IPPK: variants seen among roughly 807,000 people sequenced by gnomAD.
IPPK encodes IPK1 homolog.
Under a neutral mutation model 64.6 loss-of-function variants are expected in IPPK, and 22 were observed. The observed-to-expected ratio is 0.34, with a 90% confidence interval of 0.24 to 0.49. IPPK has a LOEUF of 0.49. IPPK is among the 20% of genes least tolerant of loss of function. IPPK has a pLI of 0.99. For synonymous variants in IPPK, 262 were observed against 247.2 expected (o/e 1.06, Z -0.56); for missense variants, 532 against 630.7 (o/e 0.84, Z 1.68).
intron 11 of IPPK, among the ~76,000 whole-genome samples, chr9:92,622,206 G>GA (rs1316286460): frequency 8.4e-4 from 126 of 150,444 alleles, no homozygotes; most frequent in Admixed American, 2.7e-3. Flanking sequence ...GCCACTTAAG[G>GA]AAAAAAAAAC....
At chr9:92,641,739 G>A (rs889085782) in intron 7 of IPPK, among the ~76,000 whole-genome samples, 1 of 152,220 alleles carries the variant, frequency 6.6e-6, no homozygotes, top group African/African-American at 2.4e-5. Context: ...GCACTGACAT[G>A]ATGACCAGGC....
intron 1 of IPPK, among the ~76,000 whole-genome samples, chr9:92,662,162 T>TA (rs569141967): frequency 1.9e-4 from 29 of 152,200 alleles, no homozygotes; most frequent in African/African-American, 4.3e-4. Context: ...CTACTCCTCT[T>TA]AAAAAAAGTA....
At chr9:92,630,684 A>G (rs1171174083) in intron 11 of IPPK, among the ~76,000 whole-genome samples, 1 of 152,246 alleles carries the variant, frequency 6.6e-6, no homozygotes, top group South Asian at 2.1e-4. Flanking sequence ...AAAAAAAAAA[A>G]TACCAAGACA....
At chr9:92,625,996 G>A (rs1851726528) in intron 11 of IPPK, among the ~76,000 whole-genome samples, 2 of 150,410 alleles carry the variant, frequency 1.3e-5, no homozygotes, top group South Asian at 4.2e-4. Flanking sequence ...ATTGCTTAAA[G>A]AAATAAAAGA....
intron 1 of IPPK, among the ~76,000 whole-genome samples, chr9:92,669,699 C>T (rs1237655632): frequency 6.6e-6 from 1 of 151,768 alleles, no homozygotes; most frequent in Non-Finnish European, 1.5e-5. Flanking sequence ...GGGAGACTGA[C>T]CCAGTAGAGA....
intron 1 of IPPK, among the ~76,000 whole-genome samples, chr9:92,660,200 G>A (rs149206895): frequency 2.2e-4 from 34 of 152,188 alleles, no homozygotes; most frequent in African/African-American, 7.5e-4. Context: ...TGCCTGACCC[G>A]CCCTCCAACA....
At chr9:92,667,932 G>C (rs533634768) in intron 1 of IPPK, among the ~76,000 whole-genome samples, 14 of 151,612 alleles carry the variant, frequency 9.2e-5, no homozygotes, top group Non-Finnish European at 2.1e-4. Flanking sequence ...CATAGGTCTA[G>C]AACAGCCTGG....
chr9:92,629,559 C>T (rs780419004), intron 11 of IPPK, among the ~76,000 whole-genome samples: 217 of 152,096 alleles, frequency 1.4e-3, no homozygotes, highest in Non-Finnish European at 2.3e-3. Flanking sequence ...CAAGACCAGC[C>T]TGGGCAACAT....
chr9:92,652,549 T>A, intron 4 of IPPK, 24 bp downstream of exon 4: 1 of 1,299,600 alleles, frequency 7.7e-7, no homozygotes. Flanking sequence ...TTACAAACAA[T>A]ATCTGTAAGT....
In IPPK at chr9:92,613,245, C is replaced by A. The variant is rs1004602976; in HGVS notation, c.*2587G>T. On this transcript the variant is annotated 3_prime_UTR_variant, in exon 13 of 13. Coordinates refer to ENST00000287996, the MANE Select transcript of IPPK (RefSeq NM_022755.6). Reference sequence around the variant, plus strand: ...TTTGCTATTTTCTGCTTAGAAACCACACCCTGAAGACGTGCTGTCTATGCA... The same window carrying A: ...TTTGCTATTTTCTGCTTAGAAACCAAACCCTGAAGACGTGCTGTCTATGCA... 4 of 1,463,254 alleles carry A rather than the reference C, an allele frequency of 2.7e-6. No homozygotes were observed. Among genetic ancestry groups the A allele is most frequent in the Non-Finnish European group, 2.9e-6 (3 of 1,050,776 alleles). The allele number at this position is 1,463,254 out of a possible 1,614,324, so 90.6% of individuals were successfully genotyped here.
chr9:92,637,979 C>T (rs2277169), intron 9 of IPPK, 22 bp downstream of exon 9: 242,804 of 1,519,642 alleles, frequency 0.16, 21,571 homozygotes, highest in East Asian at 0.31. Context: ...CCACCGCCTA[C>T]CTGGGGAAGG....
chr9:92,622,522 T>A (rs1851660940), intron 11 of IPPK, among the ~76,000 whole-genome samples: 1 of 152,120 alleles, frequency 6.6e-6, no homozygotes, highest in African/African-American at 2.4e-5. Flanking sequence ...TTTTTAAAGA[T>A]GCCATTTACA....
At chr9:92,664,115 T>G (rs1267980549) in intron 1 of IPPK, among the ~76,000 whole-genome samples, 3 of 152,322 alleles carry the variant, frequency 2.0e-5, no homozygotes, top group Admixed American at 6.5e-5. Flanking sequence ...GCCCGGGGTC[T>G]GTCAGTCACC....
intron 1 of IPPK, among the ~76,000 whole-genome samples, chr9:92,667,167 G>A (rs1852617049): frequency 6.6e-6 from 1 of 152,166 alleles, no homozygotes; most frequent in Non-Finnish European, 1.5e-5. Context: ...CTCCTTACCT[G>A]GAAAAACTTG....
At chr9:92,669,314 C>T in intron 1 of IPPK, among the ~76,000 whole-genome samples, 1 of 152,236 alleles carries the variant, frequency 6.6e-6, no homozygotes, top group Non-Finnish European at 1.5e-5. Flanking sequence ...GTTTCTAAAA[C>T]TTTCACCCTC....
intron 4 of IPPK, among the ~76,000 whole-genome samples, chr9:92,651,481 C>A (rs1038168698): frequency 1.3e-5 from 2 of 152,184 alleles, no homozygotes; most frequent in African/African-American, 4.8e-5. Context: ...CCACAGAAGG[C>A]CCTTGGATTC....
At chr9:92,659,995 G>A (rs1852449613) in intron 1 of IPPK, among the ~76,000 whole-genome samples, 1 of 151,984 alleles carries the variant, frequency 6.6e-6, no homozygotes, top group African/African-American at 2.4e-5. Flanking sequence ...CCAAGCTGAA[G>A]GCAGGCATCA....
chr9:92,666,480 C>T (rs971589020), intron 1 of IPPK, among the ~76,000 whole-genome samples: 10 of 152,166 alleles, frequency 6.6e-5, no homozygotes, highest in Admixed American at 5.2e-4. Flanking sequence ...CAGGCTGCAG[C>T]GAGGAAACTG....
chr9:92,638,006 C>T lies in IPPK; in HGVS notation c.911G>A (p.Cys304Tyr). 1.3e-6 allele frequency: 2 copies of T among 1,566,710 alleles called. No individual in the cohort carries two copies. The highest frequency in any genetic ancestry group is 1.7e-4 in the Middle Eastern group (1 of 5,772). Residue 304 changes from cysteine to tyrosine, a missense_variant, in exon 9 of 13, where the codon TGC (cysteine) becomes TAC (tyrosine). Physicochemically the swap from Cys to Tyr is radical, Grantham distance 194 (BLOSUM62 -2). Coordinates refer to ENST00000287996, the MANE Select transcript of IPPK (RefSeq NM_022755.6). ...EASPFSRSLR[C>Y]QGKNTPERSG... is the part of the protein sequence containing the mutation. The stretch of plus-strand genomic sequence containing the variant: ...TGGGGAAGGCTGGGCCCTACCTTGG[C>T]AGCGAAGGCTCCTACTGAAAGGGCT...
Sources: allele counts gnomAD v4.1 joint callset (sites outside exome capture counted in the v4.1 genomes callset), GRCh38; gene constraint gnomAD v4.1.1; transcripts MANE v1.5; gene names NCBI Gene and HGNC (gene_info 2026-07-23, HGNC 2026-07-21).